MCTP1: variants seen among roughly 807,000 people sequenced by gnomAD.
The protein encoded by MCTP1 is multiple C2 and transmembrane domain containing 1.
In MCTP1, 69 loss-of-function variants were observed where a neutral mutation model predicts 120.6. The observed-to-expected ratio is 0.57, with a 90% confidence interval of 0.47 to 0.70. The LOEUF (loss-of-function observed/expected upper bound fraction) is 0.70. MCTP1 is among the 30% of genes least tolerant of loss of function. MCTP1 has a pLI of 0.00. For synonymous variants in MCTP1, 529 were observed against 493.1 expected (o/e 1.07, Z -0.96); for missense variants, 1,203 against 1,248.8 (o/e 0.96, Z 0.55).
chr5:95,081,328 C>T (rs1215561570), intron 1 of MCTP1: 11 of 1,000,562 alleles, frequency 1.1e-5, no homozygotes, highest in East Asian at 7.7e-5. Flanking sequence ...TTCAATACCC[C>T]GTGAGAAGGC....
At chr5:94,774,705 G>A (rs560991091) in intron 19 of MCTP1, among the ~76,000 whole-genome samples, 2 of 152,266 alleles carry the variant, frequency 1.3e-5, no homozygotes, top group East Asian at 3.9e-4. Context: ...TCTACCATGT[G>A]TGGCAATTTG....
At chr5:94,737,494 T>G (rs1412721530) in intron 19 of MCTP1, among the ~76,000 whole-genome samples, 1 of 152,170 alleles carries the variant, frequency 6.6e-6, no homozygotes, top group Admixed American at 6.5e-5. Context: ...GTTTCTTGAG[T>G]GAGTACTGAA....
At chr5:95,087,093 C>A (rs1468227271) in intron 1 of MCTP1, among the ~76,000 whole-genome samples, 1 of 152,118 alleles carries the variant, frequency 6.6e-6, no homozygotes, top group Non-Finnish European at 1.5e-5. Context: ...AGAAGCGTGG[C>A]CAGCAGCGTC....
chr5:94,928,209 AACACACACACACAC>A (rs60502360), intron 6 of MCTP1, among the ~76,000 whole-genome samples: 12 of 148,436 alleles, frequency 8.1e-5, no homozygotes, highest in South Asian at 4.3e-4. Context: ...TCTAGGTTAA[AACACACACACACAC>A]ACACACACAC....
At chr5:94,758,743 T>A (rs1056938119) in intron 19 of MCTP1, among the ~76,000 whole-genome samples, 3 of 152,194 alleles carry the variant, frequency 2.0e-5, no homozygotes, top group Admixed American at 1.3e-4. Flanking sequence ...ACCTGGATAA[T>A]TTTTTATTAA....
At chr5:95,150,991 C>T (rs552804116) in intron 1 of MCTP1, among the ~76,000 whole-genome samples, 7 of 151,900 alleles carry the variant, frequency 4.6e-5, no homozygotes, top group Non-Finnish European at 1.0e-4. Flanking sequence ...TTATTTGAGA[C>T]AGAGTCTTGC....
At chr5:94,977,364 A>G (rs1828340433) in intron 2 of MCTP1, among the ~76,000 whole-genome samples, 1 of 152,124 alleles carries the variant, frequency 6.6e-6, no homozygotes, top group African/African-American at 2.4e-5. Context: ...CATGAATTGA[A>G]AAATGGAATA....
chr5:94,919,650 G>A (rs1006016904), intron 7 of MCTP1, among the ~76,000 whole-genome samples: 4 of 152,200 alleles, frequency 2.6e-5, no homozygotes, highest in South Asian at 2.1e-4. Flanking sequence ...AATGATCCCC[G>A]AGACACTACA....
intron 1 of MCTP1, among the ~76,000 whole-genome samples, chr5:95,245,623 G>GA (rs58685073): frequency 1.1e-3 from 161 of 141,818 alleles, no homozygotes; most frequent in Non-Finnish European, 1.7e-3. Context: ...GACAAGATTA[G>GA]AAAAAAAAAA....
intron 19 of MCTP1, among the ~76,000 whole-genome samples, chr5:94,767,532 A>C (rs532249977): frequency 3.9e-5 from 6 of 152,170 alleles, no homozygotes; most frequent in Non-Finnish European, 8.8e-5. Flanking sequence ...CCACAAAAAA[A>C]CCTCTTAGAA....
intron 19 of MCTP1, among the ~76,000 whole-genome samples, chr5:94,760,434 A>T (rs1460832028): frequency 6.6e-6 from 1 of 152,212 alleles, no homozygotes; most frequent in Non-Finnish European, 1.5e-5. Flanking sequence ...TTCGTTTATC[A>T]TATTGCCTTC....
chr5:95,025,741 T>C (rs1271395162), intron 1 of MCTP1, among the ~76,000 whole-genome samples: 1 of 152,196 alleles, frequency 6.6e-6, no homozygotes, highest in Non-Finnish European at 1.5e-5. Context: ...CTAGTGGCTC[T>C]GGCTGGACTT....
intron 1 of MCTP1, among the ~76,000 whole-genome samples, chr5:95,114,360 A>G (rs138536635): frequency 1.3e-5 from 2 of 152,372 alleles, no homozygotes; most frequent in Non-Finnish European, 2.9e-5. Context: ...GGGGTCACCA[A>G]TTACAGGCCT....
intron 17 of MCTP1, among the ~76,000 whole-genome samples, chr5:94,852,203 T>A (rs544154226): frequency 1.8e-4 from 27 of 151,976 alleles, no homozygotes; most frequent in Non-Finnish European, 2.8e-4. Context: ...CCCATATAGT[T>A]CTGAGTAAAT....
At chr5:94,914,809 C>T (rs2153448327) in intron 8 of MCTP1, among the ~76,000 whole-genome samples, 1 of 152,306 alleles carries the variant, frequency 6.6e-6, no homozygotes, top group African/African-American at 2.4e-5. Context: ...GAGGACTTCT[C>T]AGATGAAAGT....
At position 94,836,845 on chromosome 5, in the gene MCTP1, G is replaced by A. The variant is rs1387606471; in HGVS notation, c.2436+31488C>T. 3.9e-5 allele frequency among the ~76,000 whole-genome samples: 6 copies of A among 152,250 alleles called. No individual in the cohort carries two copies. The East Asian group carries it at 1.2e-3, about 29-fold the overall frequency. ...AAAAATCATGGACTTAAAAATTATGGGGCCATATGTGTCCCAGGAAAGCAG... is the reference window on the plus strand; with the variant it reads ...AAAAATCATGGACTTAAAAATTATGAGGCCATATGTGTCCCAGGAAAGCAG... On this transcript the variant is annotated intron_variant, in intron 17 of 22. Coordinates refer to ENST00000515393, the MANE Select transcript of MCTP1 (RefSeq NM_024717.7).
chr5:95,142,171 G>A (rs1391265557), intron 1 of MCTP1, among the ~76,000 whole-genome samples: 1 of 152,098 alleles, frequency 6.6e-6, no homozygotes, highest in Non-Finnish European at 1.5e-5. Flanking sequence ...AAGGCTATAT[G>A]TAAAGTTAAC....
rs1756698339 is a variant in MCTP1 at position 95,245,772 on chromosome 5, G to A, written c.720+38084C>T. Reference sequence around the variant, plus strand: ...AAACGCTCTTCAGGATACTATCCAGGAGAACTTCCCTAACCTAGCAAGGCA... The same window carrying A: ...AAACGCTCTTCAGGATACTATCCAGAAGAACTTCCCTAACCTAGCAAGGCA... On this transcript the variant is annotated intron_variant, in intron 1 of 22. Transcript: ENST00000515393. Among the ~76,000 whole-genome samples, 6 of 152,174 alleles carry A rather than the reference G, an allele frequency of 3.9e-5. No homozygotes were observed. In the South Asian group the frequency reaches 1.2e-3, roughly 32 times the overall value.
At chr5:94,890,388 T>A (rs1043351931) in intron 11 of MCTP1, among the ~76,000 whole-genome samples, 6 of 152,178 alleles carry the variant, frequency 3.9e-5, no homozygotes, top group Non-Finnish European at 5.9e-5. Flanking sequence ...TTAAACTAAT[T>A]ATTTTTTTCT....
Sources: gnomAD v4.1 joint callset for allele counts (sites outside exome capture counted in the v4.1 genomes callset) on GRCh38, gnomAD v4.1.1 for gene constraint, MANE v1.5 for transcripts, NCBI Gene and HGNC (gene_info 2026-07-23, HGNC 2026-07-21) for gene names.